Variants in HAT1 observed in about 807,000 individuals in gnomAD.
HAT1 encodes histone acetyltransferase type B catalytic subunit.
In HAT1, 20 loss-of-function variants were observed where a neutral mutation model predicts 56.6. That is an observed-to-expected ratio of 0.35 (90% CI 0.25 to 0.51). HAT1 has a LOEUF of 0.51. Ranked by LOEUF, HAT1 falls within the 20% of genes least tolerant of loss-of-function variation. The pLI, the probability that HAT1 is intolerant of heterozygous loss-of-function variation, is 0.95. For synonymous variants in HAT1, 146 were observed against 165.5 expected (o/e 0.88, Z 0.91); for missense variants, 408 against 504.3 (o/e 0.81, Z 1.83).
intron 4 of HAT1, among the ~76,000 whole-genome samples, chr2:171,964,097 G>C (rs1260361454): frequency 6.6e-6 from 1 of 152,148 alleles, no homozygotes; most frequent in Non-Finnish European, 1.5e-5. Context: ...ATAATAAAGT[G>C]CTATTCATCT....
intron 2 of HAT1, among the ~76,000 whole-genome samples, chr2:171,931,300 A>G (rs1222195111): frequency 6.6e-6 from 1 of 152,072 alleles, no homozygotes; most frequent in Non-Finnish European, 1.5e-5. Context: ...AGGTGGGAGG[A>G]TCTGCCTGAG....
chr2:171,955,752 A>G (rs1687423497), intron 4 of HAT1, among the ~76,000 whole-genome samples: 1 of 152,100 alleles, frequency 6.6e-6, no homozygotes, highest in South Asian at 2.1e-4. Context: ...TTTGGTAGAA[A>G]CACGAACATG....
At chr2:171,932,202 T>C (rs1686766235) in intron 2 of HAT1, among the ~76,000 whole-genome samples, 1 of 152,232 alleles carries the variant, frequency 6.6e-6, no homozygotes, top group African/African-American at 2.4e-5. Context: ...GGCAATGTTT[T>C]GTTAAGACTC....
In HAT1 at chr2:171,977,572, T is replaced by C. The variant is rs554306356; in HGVS notation, c.975+1264T>C. 3.5e-3 allele frequency among the ~76,000 whole-genome samples: 298 copies of C among 86,186 alleles called. 1 individual carries two copies. Among genetic ancestry groups the C allele is most frequent in the African/African-American group, 0.013 (288 of 22,024 alleles). 56.5% of individuals were successfully genotyped at this position (86,186 alleles called of 152,430 possible). A position where few individuals can be genotyped will look rare whatever the true frequency, so the allele number is the denominator to read the frequency against. On this transcript the variant is annotated intron_variant, in intron 9 of 10. Coordinates refer to ENST00000264108, the MANE Select transcript of HAT1 (RefSeq NM_003642.4). ...ATATATATATATTTTTTTTTTTTTTTTTTTTTTAATGGTGCTTTCTTAAAA... is the reference window on the plus strand; with the variant it reads ...ATATATATATATTTTTTTTTTTTTTCTTTTTTTAATGGTGCTTTCTTAAAA...
intron 4 of HAT1, among the ~76,000 whole-genome samples, chr2:171,959,395 G>A (rs1017848411): frequency 6.6e-6 from 1 of 152,136 alleles, no homozygotes; most frequent in Non-Finnish European, 1.5e-5. Flanking sequence ...AGGAACTATT[G>A]ATTTAGTTAT....
chr2:171,954,643 G>A (rs895001165), intron 4 of HAT1, among the ~76,000 whole-genome samples: 2 of 151,988 alleles, frequency 1.3e-5, no homozygotes, highest in African/African-American at 2.4e-5. Context: ...CCAAGATTGC[G>A]CCATTGCACT....
chr2:171,942,477 C>T (rs544270699), intron 2 of HAT1, among the ~76,000 whole-genome samples: 1 of 152,188 alleles, frequency 6.6e-6, no homozygotes, highest in South Asian at 2.1e-4. Context: ...GTTCACTTAA[C>T]TCTGCATTGT....
Position 171,983,328 on chromosome 2 carries a change from T to C in HAT1, c.1236T>C (p.Val412=). 1 of 1,608,384 alleles carries C rather than the reference T, an allele frequency of 6.2e-7. No individual in the cohort carries two copies. The highest frequency in any genetic ancestry group is 1.3e-5 in the African/African-American group (1 of 74,882). ...AACTAGTGGAAGATTACCGGCGTGT[T>C]ATTGAACGACTTGCTCAAGAGTAAA... ...FQELVEDYRR[V]IERLAQE The change falls in exon 11 of 11, where the codon GTT becomes GTC. Residue 412 remains valine (V), a synonymous_variant. Transcript: ENST00000264108.
chr2:171,937,700 A>G (rs1261133177), intron 2 of HAT1, among the ~76,000 whole-genome samples: 1 of 152,202 alleles, frequency 6.6e-6, no homozygotes, highest in Non-Finnish European at 1.5e-5. Context: ...GAACAGCACT[A>G]ATTGTACAAT....
At chr2:171,941,575 A>G (rs1168520442) in intron 2 of HAT1, among the ~76,000 whole-genome samples, 1 of 152,206 alleles carries the variant, frequency 6.6e-6, no homozygotes, top group African/African-American at 2.4e-5. Context: ...ATCATCAGGC[A>G]TTAGATTCTC....
chr2:171,961,239 A>G (rs566042146), intron 4 of HAT1, among the ~76,000 whole-genome samples: 2 of 152,292 alleles, frequency 1.3e-5, no homozygotes, highest in Non-Finnish European at 2.9e-5. Context: ...CAGGAGGTCA[A>G]GGCTGCAGTA....
At position 171,956,116 on chromosome 2, in the gene HAT1, C is replaced by T. The variant is rs150639678; in HGVS notation, c.309+3115C>T. On this transcript the variant is annotated intron_variant, in intron 4 of 10. Transcript: ENST00000264108. ...ATTTGAGGCCAGCAGGTTGAGGCTA[C>T]AGTAAGGTAAGTATGATCATGCCAC... Among the ~76,000 whole-genome samples the T allele has an allele frequency of 2.6e-3, 354 of 137,034 alleles. 1 individual carries two copies. Among genetic ancestry groups the T allele is most frequent in the Non-Finnish European group, 4.8e-3 (318 of 66,180 alleles). The allele number at this position is 137,034 out of a possible 152,430, so 89.9% of individuals were successfully genotyped here.
chr2:171,944,087 T>G (rs1687096657), intron 2 of HAT1, among the ~76,000 whole-genome samples: 1 of 151,562 alleles, frequency 6.6e-6, no homozygotes, highest in Non-Finnish European at 1.5e-5. Context: ...TCAAGGTTGC[T>G]GTGAGCTGTG....
intron 10 of HAT1, chr2:171,980,722 G>C (rs903221354): frequency 2.6e-5 from 4 of 151,928 alleles, no homozygotes; most frequent in African/African-American, 9.7e-5. Context: ...TGGGTGTGGT[G>C]GTGGGTACCT....
At chr2:171,934,754 G>GTTTTTT (rs71013091) in intron 2 of HAT1, among the ~76,000 whole-genome samples, 2 of 128,404 alleles carry the variant, frequency 1.6e-5, no homozygotes, top group South Asian at 2.6e-4. Flanking sequence ...ACTAGAGTGG[G>GTTTTTT]TTTTTTTTTT....
chr2:171,951,448 C>G (rs1687305898), intron 3 of HAT1, among the ~76,000 whole-genome samples: 2 of 151,862 alleles, frequency 1.3e-5, no homozygotes, highest in Admixed American at 1.3e-4. Context: ...GAGACGGAGT[C>G]TTGCTCTGTT....
chr2:171,974,196 A>AAAAAG, intron 8 of HAT1, among the ~76,000 whole-genome samples: 1 of 81,260 alleles, frequency 1.2e-5, no homozygotes, highest in Admixed American at 1.4e-4. Context: ...AAAAAAAGAA[A>AAAAAG]AAAAGAAAAA....
At chr2:171,983,163 C>T (rs1357037328) in intron 10 of HAT1, 22 bp from the exon 11 acceptor site, 9 of 1,442,916 alleles carry the variant, frequency 6.2e-6, no homozygotes, top group Middle Eastern at 3.6e-4. Flanking sequence ...CTTCGTCTAA[C>T]AAATAATTGT....
chr2:171,930,344 A>AT (rs1558961921), intron 2 of HAT1, among the ~76,000 whole-genome samples: 1 of 151,794 alleles, frequency 6.6e-6, no homozygotes, highest in Non-Finnish European at 1.5e-5. Flanking sequence ...TAATTTTTGT[A>AT]TTTTTTGTAG....
Sources: gnomAD v4.1 joint callset for allele counts (sites outside exome capture counted in the v4.1 genomes callset) on GRCh38, gnomAD v4.1.1 for gene constraint, MANE v1.5 for transcripts, NCBI Gene and HGNC (gene_info 2026-07-23, HGNC 2026-07-21) for gene names.